CNTNAP5: variants seen among roughly 807,000 people sequenced by gnomAD.
CNTNAP5 encodes contactin associated protein family member 5.
In CNTNAP5, 72 loss-of-function variants were observed where a neutral mutation model predicts 150.2. The observed-to-expected ratio is 0.48, with a 90% confidence interval of 0.40 to 0.58. The LOEUF (loss-of-function observed/expected upper bound fraction) is 0.58. Ranked by LOEUF, CNTNAP5 falls within the 20% of genes least tolerant of loss-of-function variation. CNTNAP5 has a pLI of 0.00. For synonymous variants in CNTNAP5, 672 were observed against 619.8 expected, an observed-to-expected ratio of 1.08 and a Z score of -1.25; for missense variants, 1,636 against 1,626.2, an observed-to-expected ratio of 1.01 and a Z score of -0.10.
At chr2:124,255,105 C>A (rs776283666) in intron 3 of CNTNAP5, among the ~76,000 whole-genome samples, 1 of 152,118 alleles carries the variant, frequency 6.6e-6, no homozygotes, top group Non-Finnish European at 1.5e-5. Context: ...TAGGAATAAG[C>A]AGCCAGGTGT....
chr2:124,669,705 G>A (rs1678770625), intron 13 of CNTNAP5, among the ~76,000 whole-genome samples: 1 of 152,144 alleles, frequency 6.6e-6, no homozygotes, highest in African/African-American at 2.4e-5. Context: ...CCCAAACTTT[G>A]TAAATAGCAA....
chr2:124,245,079 C>T (rs757412950), intron 3 of CNTNAP5, among the ~76,000 whole-genome samples: 20 of 151,824 alleles, frequency 1.3e-4, no homozygotes, highest in Non-Finnish European at 2.8e-4. Context: ...CTTTTCTCAC[C>T]TCAAATGTCA....
chr2:124,382,560 A>G (rs761445568), intron 3 of CNTNAP5, among the ~76,000 whole-genome samples: 8 of 152,130 alleles, frequency 5.3e-5, no homozygotes, highest in Non-Finnish European at 1.2e-4. Context: ...TTGCTTTCCC[A>G]TCAGTACAAT....
chr2:124,579,272 T>C (rs892201758), intron 11 of CNTNAP5, among the ~76,000 whole-genome samples: 1 of 152,242 alleles, frequency 6.6e-6, no homozygotes, highest in African/African-American at 2.4e-5. Context: ...ATAGGCTCTA[T>C]AGTAGATTCT....
At chr2:124,813,379 T>C (rs577274836) in intron 19 of CNTNAP5, among the ~76,000 whole-genome samples, 109 of 131,220 alleles carry the variant, frequency 8.3e-4, no homozygotes, top group African/African-American at 3.7e-3. Context: ...GCCTGGCCTG[T>C]TTTTTTTTTC....
intron 23 of CNTNAP5, 36 bp from the exon 24 acceptor site, chr2:124,914,056 G>T (rs373186990): frequency 2.6e-6 from 4 of 1,526,266 alleles, no homozygotes; most frequent in Non-Finnish European, 3.6e-6. Flanking sequence ...GACTCATGAC[G>T]ATTTCCTTCT....
At chr2:124,494,715 A>T (rs1183746788) in intron 7 of CNTNAP5, among the ~76,000 whole-genome samples, 1 of 152,244 alleles carries the variant, frequency 6.6e-6, no homozygotes, top group Non-Finnish European at 1.5e-5. Context: ...AATTATGCAA[A>T]AGTAGAAATC....
chr2:124,385,362 T>G (rs1243300059), intron 3 of CNTNAP5, among the ~76,000 whole-genome samples: 2 of 152,178 alleles, frequency 1.3e-5, no homozygotes, highest in African/African-American at 2.4e-5. Context: ...ATCATTTCTC[T>G]TTACCCCACT....
chr2:124,609,605 T>C (rs745387073), intron 11 of CNTNAP5, among the ~76,000 whole-genome samples, 196 bp from the exon 12 acceptor site: 4 of 151,122 alleles, frequency 2.6e-5, no homozygotes, highest in Non-Finnish European at 4.4e-5. Context: ...GAGAGAGAGA[T>C]GAATGGAAAA....
chr2:124,872,216 T>A (rs1677763303), intron 21 of CNTNAP5, among the ~76,000 whole-genome samples: 1 of 152,108 alleles, frequency 6.6e-6, no homozygotes, highest in Non-Finnish European at 1.5e-5. Context: ...GTTGTCTCTG[T>A]TCTTTTGTTT....
At chr2:124,590,903 T>C (rs754338910) in intron 11 of CNTNAP5, among the ~76,000 whole-genome samples, 1 of 152,202 alleles carries the variant, frequency 6.6e-6, no homozygotes, top group African/African-American at 2.4e-5. Context: ...ATACTATCAT[T>C]ATCTTTAATG....
chr2:124,841,901 A>G (rs114284636), intron 19 of CNTNAP5, among the ~76,000 whole-genome samples: 1,932 of 152,196 alleles, frequency 0.013, 45 homozygotes, highest in African/African-American at 0.043. Flanking sequence ...ATCGTGACCC[A>G]ATATTTCTGT....
intron 8 of CNTNAP5, among the ~76,000 whole-genome samples, chr2:124,517,358 G>T (rs1265748586): frequency 6.7e-6 from 1 of 150,180 alleles, no homozygotes; most frequent in African/African-American, 2.4e-5. Context: ...TATAGTGTTG[G>T]TGATGGAGGG....
chr2:124,459,403 C>T (rs994748131), intron 6 of CNTNAP5, among the ~76,000 whole-genome samples: 1 of 152,098 alleles, frequency 6.6e-6, no homozygotes, highest in Non-Finnish European at 1.5e-5. Context: ...GTTCTCTGCC[C>T]TCTCCTCTCA....
At chr2:124,501,729 G>A (rs1244152088) in intron 7 of CNTNAP5, among the ~76,000 whole-genome samples, 1 of 152,196 alleles carries the variant, frequency 6.6e-6, no homozygotes, top group South Asian at 2.1e-4. Flanking sequence ...TCTGTCAGCA[G>A]TAAGCACAGC....
chr2:124,165,883 C>T (rs749627128), intron 1 of CNTNAP5, among the ~76,000 whole-genome samples: 49 of 152,258 alleles, frequency 3.2e-4, no homozygotes, highest in African/African-American at 1.1e-3. Context: ...CATGGAGCGG[C>T]GCAGTGACCG....
At chr2:124,373,827 G>C (rs950926547) in intron 3 of CNTNAP5, among the ~76,000 whole-genome samples, 1 of 151,862 alleles carries the variant, frequency 6.6e-6, no homozygotes, top group Admixed American at 6.6e-5. Flanking sequence ...GAAAAGACCT[G>C]ATAACAAATA....
chr2:124,443,017 G>A (rs1692714741), intron 5 of CNTNAP5, among the ~76,000 whole-genome samples: 1 of 151,974 alleles, frequency 6.6e-6, no homozygotes, highest in Non-Finnish European at 1.5e-5. Flanking sequence ...AGGACAATTT[G>A]GCAGTATTTG....
chr2:124,573,693 G>A (rs1696215478), intron 11 of CNTNAP5, among the ~76,000 whole-genome samples: 1 of 152,170 alleles, frequency 6.6e-6, no homozygotes, highest in African/African-American at 2.4e-5. Flanking sequence ...TGTCCCATGA[G>A]TAAGAAGTTA....
Sources: allele counts gnomAD v4.1 joint callset (sites outside exome capture counted in the v4.1 genomes callset), GRCh38; gene constraint gnomAD v4.1.1; transcripts MANE v1.5; gene names NCBI Gene and HGNC (gene_info 2026-07-23, HGNC 2026-07-21).